SAMD5: variants seen among roughly 807,000 people sequenced by gnomAD.
SAMD5 encodes the protein sterile alpha motif domain containing 5.
Under a neutral mutation model 11.3 loss-of-function variants are expected in SAMD5, and 13 were observed. That is an observed-to-expected ratio of 1.15 (90% confidence interval 0.75 to 1.83). The LOEUF is 1.83. Among genes scored for constraint, SAMD5 ranks in the 40% most tolerant of loss-of-function variants. The probability of loss-of-function intolerance (pLI) is 0.00; values close to 1 mark genes in which losing one functional copy is unlikely to be tolerated. For missense variants in SAMD5, 255 were observed against 239.1 expected (o/e 1.07, Z -0.44); for synonymous variants, 129 against 111.3 (o/e 1.16, Z -1.00).
chr6:147,926,019 G>C, the SAMD5 span, among the ~76,000 whole-genome samples: 4 of 152,126 alleles, frequency 2.6e-5, no homozygotes, highest in African/African-American at 9.7e-5. Context: ...ACATGATCTT[G>C]TTCTTTTTTA....
At chr6:147,892,711 C>A in the SAMD5 span, among the ~76,000 whole-genome samples, 1 of 152,094 alleles carries the variant, frequency 6.6e-6, no homozygotes, top group Non-Finnish European at 1.5e-5. Flanking sequence ...GGAAAGGCAG[C>A]GCCTTAATAC....
chr6:147,627,642 C>T (rs1583113068), intron 1 of SAMD5, among the ~76,000 whole-genome samples: 1 of 152,162 alleles, frequency 6.6e-6, no homozygotes, highest in African/African-American at 2.4e-5. Flanking sequence ...ACAATGCATT[C>T]AAATGTTGGC....
At chr6:147,525,438 C>T (rs554314055) in intron 1 of SAMD5, among the ~76,000 whole-genome samples, 3 of 150,474 alleles carry the variant, frequency 2.0e-5, no homozygotes, top group South Asian at 4.3e-4. Context: ...AACACTAATA[C>T]ATGGAGAAAT....
At chr6:147,875,195 T>G in the SAMD5 span, among the ~76,000 whole-genome samples, 4 of 152,308 alleles carry the variant, frequency 2.6e-5, no homozygotes, top group Admixed American at 2.6e-4. Flanking sequence ...TTATTTTGGT[T>G]TACATTATAT....
chr6:147,690,555 A>C (rs9497844), intron 1 of SAMD5, among the ~76,000 whole-genome samples: 16,700 of 152,096 alleles, frequency 0.11, 1,040 homozygotes, highest in South Asian at 0.22. Flanking sequence ...AGGCAGAGGC[A>C]CGAGAATCAC....
chr6:147,913,231 G>A, the SAMD5 span, among the ~76,000 whole-genome samples: 580 of 152,314 alleles, frequency 3.8e-3, 2 homozygotes, highest in African/African-American at 0.013. Context: ...GGAAGAACTA[G>A]TTCAGGTAAT....
chr6:147,822,892 G>A, the SAMD5 span, among the ~76,000 whole-genome samples: 8 of 152,216 alleles, frequency 5.3e-5, no homozygotes, highest in East Asian at 1.9e-4. Context: ...TCAGCTCACC[G>A]CAACCTCCAC....
the SAMD5 span, among the ~76,000 whole-genome samples, chr6:147,795,695 G>A: frequency 2.5e-4 from 38 of 149,902 alleles, no homozygotes; most frequent in East Asian, 5.9e-3. Flanking sequence ...GTGTAAAAGT[G>A]TTCCTGTTTC....
chr6:147,590,748 T>C (rs1053443426), intron 1 of SAMD5, among the ~76,000 whole-genome samples: 4 of 152,204 alleles, frequency 2.6e-5, no homozygotes, highest in Non-Finnish European at 4.4e-5. Flanking sequence ...AGATGAATGA[T>C]TGACTTCTTT....
the SAMD5 span, among the ~76,000 whole-genome samples, chr6:147,912,042 A>G: frequency 6.6e-6 from 1 of 152,180 alleles, no homozygotes; most frequent in Non-Finnish European, 1.5e-5. Context: ...CATGAGGCCT[A>G]GACTCAGACC....
In SAMD5 at chr6:147,565,671, G is replaced by C. The variant is rs1789026418; in HGVS notation, c.*1215G>C. ...GATGGGGTTTTACCATGTTGGCCAG[G>C]CTGTTCTTGAACTCCTGGCCTCAAA... On this transcript the variant is annotated 3_prime_UTR_variant, in exon 2 of 2. Transcript: ENST00000367474. 1 of 672,920 alleles carries C rather than the reference G, an allele frequency of 1.5e-6. No homozygotes were observed. Among genetic ancestry groups the C allele is most frequent in the African/African-American group, 2.0e-5 (1 of 50,858 alleles). 41.7% of individuals were successfully genotyped at this position (672,920 alleles called of 1,614,324 possible). A position where few individuals can be genotyped will look rare whatever the true frequency, so the allele number is the denominator to read the frequency against.
chr6:147,735,255 C>T (rs553300999), intron 1 of SAMD5, among the ~76,000 whole-genome samples: 2 of 152,254 alleles, frequency 1.3e-5, no homozygotes, highest in Admixed American at 6.5e-5. Flanking sequence ...TGCTAATTAA[C>T]ATTTGTTTTG....
At position 147,508,877 on chromosome 6, in the gene SAMD5, G is replaced by T; in HGVS notation, c.-52G>T. 1 of 1,575,926 alleles carries T rather than the reference G, an allele frequency of 6.3e-7. No homozygotes were observed. The highest frequency in any genetic ancestry group is 1.7e-4 in the Middle Eastern group (1 of 5,814). On this transcript the variant is annotated 5_prime_UTR_variant, in exon 1 of 2. Coordinates refer to ENST00000367474, the MANE Select transcript of SAMD5 (RefSeq NM_001030060.3). ...AAAGTTCCAAGAACTGGTGCCGCCC[G>T]TGCCATTTGGGCGCTGGGAAGGTGC...
the SAMD5 span, among the ~76,000 whole-genome samples, chr6:147,938,335 A>G: frequency 6.6e-6 from 1 of 152,244 alleles, no homozygotes; most frequent in Non-Finnish European, 1.5e-5. Context: ...AATCAAACGA[A>G]AAAGATAACA....
the SAMD5 span, among the ~76,000 whole-genome samples, chr6:147,937,343 G>A: frequency 6.6e-6 from 1 of 152,186 alleles, no homozygotes; most frequent in African/African-American, 2.4e-5. Context: ...AGCAAGGCAT[G>A]CTTATGTCAT....
At chr6:147,614,199 T>C (rs535445884) in intron 1 of SAMD5, among the ~76,000 whole-genome samples, 2 of 151,996 alleles carry the variant, frequency 1.3e-5, no homozygotes, top group East Asian at 3.9e-4. Flanking sequence ...CCGGGCATGG[T>C]GGCTCACACC....
chr6:147,615,813 T>G (rs1013952550), intron 1 of SAMD5, among the ~76,000 whole-genome samples: 12 of 152,358 alleles, frequency 7.9e-5, no homozygotes, highest in African/African-American at 2.9e-4. Flanking sequence ...GTTGAGTATT[T>G]TTTAAATAAA....
chr6:147,941,191 G>C, the SAMD5 span, among the ~76,000 whole-genome samples: 2 of 152,262 alleles, frequency 1.3e-5, no homozygotes, highest in East Asian at 1.9e-4. Flanking sequence ...ATACCTACCT[G>C]TGTTTAGTGT....
the SAMD5 span, among the ~76,000 whole-genome samples, chr6:147,951,298 C>T: frequency 1.3e-5 from 2 of 151,978 alleles, no homozygotes; most frequent in African/African-American, 4.8e-5. Flanking sequence ...TCTCCTGCCT[C>T]AGCCTCCCAC....
Sources: allele counts gnomAD v4.1 joint callset (sites outside exome capture counted in the v4.1 genomes callset), GRCh38; gene constraint gnomAD v4.1.1; transcripts MANE v1.5; gene names NCBI Gene and HGNC (gene_info 2026-07-23, HGNC 2026-07-21).